The following STK10 variants were observed in gnomAD, a reference collection of about 807,000 sequenced individuals.
STK10 encodes the protein serine/threonine kinase 10.
A neutral mutation model predicts 113.8 loss-of-function variants in STK10; 78 were observed. The observed-to-expected ratio is 0.69, with a 90% CI of 0.57 to 0.83. The LOEUF (loss-of-function observed/expected upper bound fraction) is 0.83. STK10 is among the 40% of genes least tolerant of loss of function. The pLI is 0.00. For missense variants in STK10, 1,109 were observed against 1,280.1 expected (o/e 0.87, Z 2.04); for synonymous variants, 465 against 494.7 (o/e 0.94, Z 0.80).
chr5:172,114,292 G>GTGTGTA (rs1554119951), intron 4 of STK10, among the ~76,000 whole-genome samples: 1 of 138,502 alleles, frequency 7.2e-6, no homozygotes, highest in East Asian at 2.0e-4. Context: ...CTACTCTCGT[G>GTGTGTA]TGTGTGTGTG....
At chr5:172,077,360 A>G (rs1290045664) in intron 12 of STK10, among the ~76,000 whole-genome samples, 1 of 152,218 alleles carries the variant, frequency 6.6e-6, no homozygotes, top group African/African-American at 2.4e-5. Flanking sequence ...AGGAAAACAG[A>G]GTTCTGGAAA....
At chr5:172,177,394 C>T (rs983000890) in intron 1 of STK10, among the ~76,000 whole-genome samples, 7 of 152,202 alleles carry the variant, frequency 4.6e-5, no homozygotes, top group East Asian at 1.9e-4. Flanking sequence ...CACGGCAGCC[C>T]GAATGAGCCA....
At chr5:172,154,046 C>T (rs375132433) in intron 2 of STK10, among the ~76,000 whole-genome samples, 2 of 152,218 alleles carry the variant, frequency 1.3e-5, no homozygotes, top group African/African-American at 2.4e-5. Flanking sequence ...TTCTGTAACA[C>T]AGAATATGCC....
chr5:172,177,186 A>AAG (rs1300283223), intron 1 of STK10, among the ~76,000 whole-genome samples: 3 of 151,600 alleles, frequency 2.0e-5, no homozygotes, highest in African/African-American at 2.4e-5. Flanking sequence ...AAAAAAAAGA[A>AAG]AAGACCCTAG....
At chr5:172,081,187 C>A (rs1004965588) in intron 12 of STK10, among the ~76,000 whole-genome samples, 6 of 151,852 alleles carry the variant, frequency 4.0e-5, no homozygotes, top group Non-Finnish European at 8.8e-5. Flanking sequence ...CCCATCTCTA[C>A]CAAAAATACA....
Position 172,093,003 on chromosome 5 carries a change from C to T in STK10, c.1554+409G>A, listed in dbSNP as rs1768754211. ...CAAGCCCAGGCCTCTAGTGCGGTGG[C>T]TATCGTCATTCGCAACACTGCCCAC... On this transcript the variant is annotated intron_variant, in intron 9 of 18. Coordinates refer to ENST00000176763, the MANE Select transcript of STK10 (RefSeq NM_005990.4). The surrounding 1 kb of genome is among the most constrained non-coding windows in gnomAD (Gnocchi z 4.1). 5.8e-6 allele frequency: 1 copy of T among 172,242 alleles called. No homozygotes were observed. Among genetic ancestry groups the T allele is most frequent in the South Asian group, 1.3e-4 (1 of 7,466 alleles). 10.7% of individuals were successfully genotyped at this position (172,242 alleles called of 1,614,324 possible). A position where few individuals can be genotyped will look rare whatever the true frequency, so the allele number is the denominator to read the frequency against.
At chr5:172,169,811 G>A (rs1770633342) in intron 1 of STK10, among the ~76,000 whole-genome samples, 1 of 152,178 alleles carries the variant, frequency 6.6e-6, no homozygotes, top group Admixed American at 6.5e-5. Flanking sequence ...ACTTAGAAAT[G>A]AGCAAATTTC....
At chr5:172,047,803 T>C (rs764274940) in intron 18 of STK10, among the ~76,000 whole-genome samples, 19 of 152,318 alleles carry the variant, frequency 1.2e-4, no homozygotes, top group Middle Eastern at 3.4e-3. Context: ...GAGTATGTCC[T>C]TGGCCTGTAC....
chr5:172,057,519 G>A (rs763060578), intron 14 of STK10, 46 bp from the exon 15 acceptor site: 1 of 1,530,502 alleles, frequency 6.5e-7, no homozygotes, highest in African/African-American at 1.4e-5. Context: ...GACAACCAGA[G>A]ACTCGACAGG....
At chr5:172,079,167 G>A (rs1462813604) in intron 12 of STK10, among the ~76,000 whole-genome samples, 2 of 152,178 alleles carry the variant, frequency 1.3e-5, no homozygotes, top group East Asian at 1.9e-4. Context: ...ACTGCCCTAC[G>A]TGGTCTCTGC....
At chr5:172,132,328 A>C (rs1452226594) in intron 2 of STK10, among the ~76,000 whole-genome samples, 1 of 144,468 alleles carries the variant, frequency 6.9e-6, no homozygotes, top group African/African-American at 2.5e-5. Context: ...ATGACTTTTA[A>C]ATTTTTAATT....
rs184958521 is a variant in STK10, at chr5:172,083,781, G to A, written c.1686-697C>T. 1.8e-3 allele frequency among the ~76,000 whole-genome samples: 271 copies of A among 152,022 alleles called. 1 individual carries two copies. The highest frequency in any genetic ancestry group is 5.0e-3 in the Admixed American group (77 of 15,262). Reference sequence around the variant, plus strand: ...AAATTAGCTGGACATGGTGGCACACGCCTGTACTCCCAGCTACTCAGGAGG... The same window carrying A: ...AAATTAGCTGGACATGGTGGCACACACCTGTACTCCCAGCTACTCAGGAGG... On this transcript the variant is annotated intron_variant, in intron 10 of 18. Transcript: ENST00000176763.
intron 1 of STK10, among the ~76,000 whole-genome samples, chr5:172,164,431 T>C (rs1169265260): frequency 2.0e-5 from 3 of 152,112 alleles, no homozygotes; most frequent in African/African-American, 7.2e-5. Context: ...ATCCCTTCAA[T>C]TAACTTTTAC....
chr5:172,186,906 G>A (rs1227160868), intron 1 of STK10, among the ~76,000 whole-genome samples: 1 of 152,074 alleles, frequency 6.6e-6, no homozygotes, highest in East Asian at 1.9e-4. Flanking sequence ...CTCATAGAAC[G>A]GCAATCCTAG....
intron 10 of STK10, among the ~76,000 whole-genome samples, chr5:172,086,361 A>G (rs923621530): frequency 6.6e-5 from 10 of 152,154 alleles, no homozygotes; most frequent in Admixed American, 3.9e-4. Context: ...AGTGTTAACG[A>G]GGAAATGGAA....
chr5:172,169,957 G>A (rs866173224), intron 1 of STK10, among the ~76,000 whole-genome samples: 2 of 152,072 alleles, frequency 1.3e-5, no homozygotes, highest in African/African-American at 2.4e-5. Context: ...TTTCAGTGAC[G>A]CACGGGAAAA....
At chr5:172,140,104 T>C (rs1056279687) in intron 2 of STK10, among the ~76,000 whole-genome samples, 3 of 151,586 alleles carry the variant, frequency 2.0e-5, no homozygotes, top group Admixed American at 6.6e-5. Context: ...AACCCTAATA[T>C]CCCAATTAAA....
In STK10 at chr5:172,082,871, A is replaced by G; in HGVS notation, c.1809+90T>C. On this transcript the variant is annotated intron_variant, in intron 11 of 18. Transcript: ENST00000176763. This position sits in a 1 kb window ranked among gnomAD's most constrained non-coding sequence, Gnocchi z 4.3. ...GGGCAATTGTTGTGAATTACTCTCC[A>G]CTACCCAATCATTCCCACTATGTAG... 1 of 1,556,208 alleles carries G rather than the reference A, an allele frequency of 6.4e-7. No individual in the cohort carries two copies. Among genetic ancestry groups the G allele is most frequent in the Non-Finnish European group, 8.7e-7 (1 of 1,152,288 alleles).
In STK10 at chr5:172,085,524, A is replaced by G. The variant is rs549696689; in HGVS notation, c.1686-2440T>C. ...GCCAACATGGTGAAACCCCATCTCTACTAAAAATACAAAAATTAGCCAGGT... is the reference window on the plus strand; with the variant it reads ...GCCAACATGGTGAAACCCCATCTCTGCTAAAAATACAAAAATTAGCCAGGT... On this transcript the variant is annotated intron_variant, in intron 10 of 18. Coordinates refer to ENST00000176763, the MANE Select transcript of STK10 (RefSeq NM_005990.4). Among the ~76,000 whole-genome samples, 627 of 151,680 alleles carry G rather than the reference A, an allele frequency of 4.1e-3. 5 individuals are homozygous for G. The highest frequency in any genetic ancestry group is 0.015 in the African/African-American group (601 of 41,302).
Sources: allele counts gnomAD v4.1 joint callset (sites outside exome capture counted in the v4.1 genomes callset), GRCh38; gene constraint gnomAD v4.1.1; non-coding constraint Gnocchi (gnomAD v3.1); transcripts MANE v1.5; gene names NCBI Gene and HGNC (gene_info 2026-07-23, HGNC 2026-07-21).